The following CENPA variants were observed in gnomAD, a reference collection of about 807,000 sequenced individuals.
CENPA encodes the protein histone H3-like centromeric protein A.
CENPA carries 7 observed loss-of-function variants against 17.2 expected under a neutral mutation model. The ratio of observed to expected loss-of-function variants is 0.41; its 90% CI spans 0.23 to 0.76. The LOEUF (loss-of-function observed/expected upper bound fraction) is 0.76, where lower values mean the gene tolerates loss of function less well. CENPA is among the 30% of genes least tolerant of loss of function. The pLI is 0.34. For missense variants in CENPA, 149 were observed against 193.1 expected (o/e 0.77, Z 1.35); for synonymous variants, 82 against 77.4 (o/e 1.06, Z -0.31).
chr2:26,786,321 A>G (rs1664507925), intron 1 of CENPA, 25 bp downstream of exon 1: 8 of 1,304,372 alleles, frequency 6.1e-6, no homozygotes, highest in African/African-American at 1.5e-5. Flanking sequence ...CCCCATCTCG[A>G]AGAGGAGAAA....
chr2:26,789,492 T>C (rs1186375626), intron 1 of CENPA, among the ~76,000 whole-genome samples: 1 of 151,976 alleles, frequency 6.6e-6, no homozygotes, highest in Non-Finnish European at 1.5e-5. Context: ...CACTCATACA[T>C]TGACAGCTCT....
intron 1 of CENPA, 91 bp downstream of exon 1, chr2:26,786,387 CCT>C: frequency 7.9e-7 from 1 of 1,262,978 alleles, no homozygotes; most frequent in Non-Finnish European, 1.0e-6. Context: ...GTGGCACTTC[CCT>C]GTTGGGGGAC....
At chr2:26,790,264 T>C (rs975058126) in intron 1 of CENPA, among the ~76,000 whole-genome samples, 1 of 152,132 alleles carries the variant, frequency 6.6e-6, no homozygotes, top group East Asian at 1.9e-4. Context: ...TCTTTAGTTG[T>C]GTTCATCTTC....
intron 1 of CENPA, among the ~76,000 whole-genome samples, chr2:26,788,158 C>T (rs924856121): frequency 4.6e-5 from 7 of 152,126 alleles, no homozygotes; most frequent in African/African-American, 1.7e-4. Flanking sequence ...GGTATTCTTT[C>T]TTCAATTTTC....
At chr2:26,789,268 T>G (rs1265402955) in intron 1 of CENPA, among the ~76,000 whole-genome samples, 1 of 152,110 alleles carries the variant, frequency 6.6e-6, no homozygotes, top group Admixed American at 6.6e-5. Context: ...GTGTTCTTAC[T>G]GTGTCTCAGA....
At position 26,794,277 on chromosome 2, in the gene CENPA, A is replaced by G. The variant is rs1304623578; in HGVS notation, c.*513A>G. 6.6e-6 allele frequency: 1 copy of G among 152,246 alleles called. No homozygotes were observed. Among genetic ancestry groups the G allele is most frequent in the Non-Finnish European group, 1.5e-5 (1 of 68,042 alleles). 9.4% of individuals were successfully genotyped at this position (152,246 alleles called of 1,614,324 possible). A position where few individuals can be genotyped will look rare whatever the true frequency, so the allele number is the denominator to read the frequency against. ...CATCATATAGACCTCTGCCCTTCAG[A>G]GTAGCCTCACCATTAGTGGCAGCAT... On this transcript the variant is annotated 3_prime_UTR_variant, in exon 5 of 5. Transcript: ENST00000335756.
At chr2:26,786,831 C>G (rs1664516306) in intron 1 of CENPA, among the ~76,000 whole-genome samples, 1 of 152,150 alleles carries the variant, frequency 6.6e-6, no homozygotes, top group Non-Finnish European at 1.5e-5. Context: ...CCGGGAGAGG[C>G]TGTTAGGCCT....
chr2:26,792,701 A>ATC (rs1279446624), intron 2 of CENPA, 55 bp from the exon 3 acceptor site: 20 of 1,390,706 alleles, frequency 1.4e-5, no homozygotes, highest in Non-Finnish European at 2.0e-5. Flanking sequence ...TGTCCCTTGA[A>ATC]TCTCTCTTCT....
In CENPA at chr2:26,792,818, A is replaced by G. The variant is rs780269943; in HGVS notation, c.273A>G (p.Leu91=). 4 of 1,614,172 alleles carry G rather than the reference A, an allele frequency of 2.5e-6. No homozygotes were observed. The highest frequency in any genetic ancestry group is 2.2e-5 in the East Asian group (1 of 44,888). ...GVDFNWQAQA[L]LALQEAAEAF... Reference sequence around the variant, plus strand: ...ACTTCAATTGGCAAGCCCAGGCCCTATTGGCCCTACAAGAGGTAAGAAGGC... The same window carrying G: ...ACTTCAATTGGCAAGCCCAGGCCCTGTTGGCCCTACAAGAGGTAAGAAGGC... Residue 91 remains leucine, a synonymous_variant, in exon 3 of 5, where the codon CTA becomes CTG. Coordinates refer to ENST00000335756, the MANE Select transcript of CENPA (RefSeq NM_001809.4).
chr2:26,786,701 C>T (rs993294782), intron 1 of CENPA, among the ~76,000 whole-genome samples: 7 of 152,272 alleles, frequency 4.6e-5, no homozygotes, highest in African/African-American at 1.7e-4. Context: ...CTGGCGGACA[C>T]GGGATTTCCA....
rs868249411 is a variant in CENPA at position 26,794,115 on chromosome 2, A to G, written c.*351A>G. The G allele has an allele frequency of 6.6e-6, 1 of 152,238 alleles. No individual in the cohort carries two copies. Among genetic ancestry groups the G allele is most frequent in the African/African-American group, 2.4e-5 (1 of 41,464 alleles). The allele number at this position is 152,238 out of a possible 1,614,324, so 9.4% of individuals were successfully genotyped here. A position where few individuals can be genotyped will look rare whatever the true frequency, so the allele number is the denominator to read the frequency against. ...ATCAGATTTGCTGTGGTATGGGAGA[A>G]AAGGCTATGTACTTATTATTTTAGC... On this transcript the variant is annotated 3_prime_UTR_variant, in exon 5 of 5. Coordinates refer to ENST00000335756, the MANE Select transcript of CENPA (RefSeq NM_001809.4).
chr2:26,792,268 C>A (rs1040402166), intron 2 of CENPA, 28 bp downstream of exon 2: 4 of 1,546,030 alleles, frequency 2.6e-6, no homozygotes, highest in Non-Finnish European at 3.5e-6. Flanking sequence ...CCCACCAACC[C>A]CTATGCCACC....
At chr2:26,789,741 A>G (rs1474107330) in intron 1 of CENPA, among the ~76,000 whole-genome samples, 1 of 152,160 alleles carries the variant, frequency 6.6e-6, no homozygotes, top group Non-Finnish European at 1.5e-5. Flanking sequence ...GCAGGTCCAG[A>G]TAATTCTACT....
chr2:26,790,527 T>G (rs1166499720), intron 1 of CENPA, among the ~76,000 whole-genome samples: 1 of 152,168 alleles, frequency 6.6e-6, no homozygotes, highest in South Asian at 2.1e-4. Flanking sequence ...GGTTTCTCCA[T>G]GTTCATCAGG....
chr2:26,793,036 A>G, intron 3 of CENPA, 109 bp from the exon 4 acceptor site: 3 of 1,451,996 alleles, frequency 2.1e-6, no homozygotes, highest in Non-Finnish European at 2.8e-6. Context: ...TTCTGTGAAT[A>G]GTTTCCTACA....
chr2:26,792,552 A>G (rs976092810), intron 2 of CENPA: 2 of 716,802 alleles, frequency 2.8e-6, no homozygotes, highest in African/African-American at 3.5e-5. Context: ...ATTACTGGTG[A>G]TTTCCCCATC....
chr2:26,786,130 C>A lies in CENPA; in HGVS notation c.-67C>A. ...CTGGGCTCCCCAGAAGCCAGCCTTTCGCTCCCGGACCCGGCAGCCCGAGCA... is the reference window on the plus strand; with the variant it reads ...CTGGGCTCCCCAGAAGCCAGCCTTTAGCTCCCGGACCCGGCAGCCCGAGCA... On this transcript the variant is annotated 5_prime_UTR_variant, in exon 1 of 5. Transcript: ENST00000335756. 7.4e-7 allele frequency: 1 copy of A among 1,347,414 alleles called. No homozygotes were observed. Among genetic ancestry groups the A allele is most frequent in the Non-Finnish European group, 9.5e-7 (1 of 1,053,556 alleles). The allele number at this position is 1,347,414 out of a possible 1,614,324, so 83.5% of individuals were successfully genotyped here.
At chr2:26,789,995 G>A (rs1453086822) in intron 1 of CENPA, among the ~76,000 whole-genome samples, 1 of 152,122 alleles carries the variant, frequency 6.6e-6, no homozygotes, top group Admixed American at 6.5e-5. Flanking sequence ...TCCTCATGTT[G>A]GCATTTCAAG....
chr2:26,792,068 C>G, intron 1 of CENPA, 63 bp from the exon 2 acceptor site: 1 of 1,399,222 alleles, frequency 7.1e-7, no homozygotes, highest in Non-Finnish European at 1.0e-6. Context: ...GACAGCTTAC[C>G]TGACTCAGCC....
Sources: allele counts gnomAD v4.1 joint callset (sites outside exome capture counted in the v4.1 genomes callset), GRCh38; gene constraint gnomAD v4.1.1; transcripts MANE v1.5; gene names NCBI Gene and HGNC (gene_info 2026-07-23, HGNC 2026-07-21).